Variants in USH2A observed in about 807,000 individuals in gnomAD.
USH2A encodes Usher syndrome 2A (autosomal recessive, mild).
A neutral mutation model predicts 538.9 loss-of-function variants in USH2A; 443 were observed. That is an observed-to-expected ratio of 0.82 (90% CI 0.76 to 0.89). The LOEUF is 0.89. Ranked by LOEUF, USH2A falls within the 40% of genes least tolerant of loss-of-function variation. The pLI, the probability that USH2A is intolerant of heterozygous loss-of-function variation, is 0.00. For missense variants in USH2A, 6,633 were observed against 6,324.8 expected, an observed-to-expected ratio of 1.05 and a Z score of -1.65; for synonymous variants, 2,413 against 2,273.5, an observed-to-expected ratio of 1.06 and a Z score of -1.75.
At chr1:216,207,485 G>A in intron 15 of USH2A, 54 bp from the exon 16 acceptor site, 1 of 1,606,030 alleles carries the variant, frequency 6.2e-7, no homozygotes, top group Non-Finnish European at 8.5e-7. Flanking sequence ...AAACAGAAAA[G>A]CAAACTGAAG....
At chr1:215,728,520 A>G in intron 60 of USH2A, 136 bp from the exon 61 acceptor site, 2 of 840,618 alleles carry the variant, frequency 2.4e-6, no homozygotes, top group Non-Finnish European at 3.8e-6. Flanking sequence ...GTCATAGTAA[A>G]GAAAAACCAG....
At position 215,780,058 on chromosome 1, in the gene USH2A, T is replaced by G. The variant is rs1661585215; in HGVS notation, c.10741-17A>C. 1 of 1,613,710 alleles carries G rather than the reference T, an allele frequency of 6.2e-7. No homozygotes were observed. On this transcript the variant is annotated splice_polypyrimidine_tract_variant and intron_variant, in intron 54 of 71. Coordinates refer to ENST00000307340, the MANE Select transcript of USH2A (RefSeq NM_206933.4). ...TGCAACTACCTGAAGACGTAGGAAT[T>G]AAGCAGCAATTTATTGTAATAGTGC...
At chr1:216,326,490 G>A (rs1251683264) in intron 5 of USH2A, among the ~76,000 whole-genome samples, 1 of 152,088 alleles carries the variant, frequency 6.6e-6, no homozygotes, top group Non-Finnish European at 1.5e-5. Flanking sequence ...GGGACCAAAA[G>A]CTACCAGTAT....
At chr1:216,325,804 C>T (rs1354832241) in intron 5 of USH2A, among the ~76,000 whole-genome samples, 1 of 152,096 alleles carries the variant, frequency 6.6e-6, no homozygotes, top group African/African-American at 2.4e-5. Context: ...TCAAAACCCA[C>T]ACATTTTAAT....
In USH2A at chr1:216,160,448, T is replaced by A. The variant is rs754559970; in HGVS notation, c.4627+14804A>T. On this transcript the variant is annotated intron_variant, in intron 21 of 71. Coordinates refer to ENST00000307340, the MANE Select transcript of USH2A (RefSeq NM_206933.4). ...TTTTAGATTTGGAGTTCTAGTTTAATCTCACAGTTGTCAGAGAACTTGAAA... is the reference window on the plus strand; with the variant it reads ...TTTTAGATTTGGAGTTCTAGTTTAAACTCACAGTTGTCAGAGAACTTGAAA... Among the ~76,000 whole-genome samples, 4 of 152,126 alleles carry A rather than the reference T, an allele frequency of 2.6e-5. No individual in the cohort carries two copies. In the East Asian group the frequency reaches 5.8e-4, roughly 22 times the overall value.
At chr1:215,876,292 T>C (rs1664773863) in intron 43 of USH2A, among the ~76,000 whole-genome samples, 1 of 152,190 alleles carries the variant, frequency 6.6e-6, no homozygotes, top group Non-Finnish European at 1.5e-5. Flanking sequence ...ATATAGTTCA[T>C]TCTGTTGCTT....
At chr1:215,743,091 A>C in intron 59 of USH2A, 86 bp downstream of exon 59, 1 of 1,500,744 alleles carries the variant, frequency 6.7e-7, no homozygotes, top group Non-Finnish European at 9.1e-7. Flanking sequence ...TTATATTTGG[A>C]CTGAGAATGT....
At chr1:216,359,439 C>T (rs2038449521) in intron 4 of USH2A, among the ~76,000 whole-genome samples, 1 of 152,074 alleles carries the variant, frequency 6.6e-6, no homozygotes, top group Admixed American at 6.5e-5. Flanking sequence ...AGATTAGAAA[C>T]CAGACTTAAA....
intron 14 of USH2A, among the ~76,000 whole-genome samples, chr1:216,222,127 T>C (rs1466306186): frequency 6.6e-6 from 1 of 152,160 alleles, no homozygotes. Flanking sequence ...TCTTTCCCAG[T>C]CTATAAAGTT....
intron 47 of USH2A, among the ~76,000 whole-genome samples, chr1:215,817,675 T>C (rs1662897211): frequency 6.6e-6 from 1 of 152,046 alleles, no homozygotes; most frequent in Admixed American, 6.6e-5. Context: ...TTGAAAGAGC[T>C]GCCACCTTCT....
intron 43 of USH2A, among the ~76,000 whole-genome samples, chr1:215,868,614 C>T (rs754388348): frequency 5.3e-5 from 8 of 152,104 alleles, no homozygotes; most frequent in Non-Finnish European, 7.3e-5. Flanking sequence ...CCTGTGAACA[C>T]GACCTTATTG....
chr1:215,672,906 TC>T (rs1242981565), intron 63 of USH2A, among the ~76,000 whole-genome samples: 1 of 152,198 alleles, frequency 6.6e-6, no homozygotes, highest in African/African-American at 2.4e-5. Context: ...GAAAAAGCAT[TC>T]CTTTCATGCC....
In USH2A at chr1:216,327,462, A is replaced by T. The variant is rs2037757804; in HGVS notation, c.848+129T>A. On this transcript the variant is annotated intron_variant, in intron 5 of 71. Coordinates refer to ENST00000307340, the MANE Select transcript of USH2A (RefSeq NM_206933.4). The stretch of plus-strand genomic sequence containing the variant: ...CTAAGCCAAAGCAAACACTGTAAAC[A>T]TTAATTAGGTGAAGTTTGCCAAATG... The T allele has an allele frequency of 4.7e-6, 5 of 1,064,532 alleles. No homozygotes were observed. The South Asian group carries it at 6.6e-5, about 14-fold the overall frequency. The allele number at this position is 1,064,532 out of a possible 1,614,324, so 65.9% of individuals were successfully genotyped here. A position where few individuals can be genotyped will look rare whatever the true frequency, so the allele number is the denominator to read the frequency against.
At chr1:216,022,259 C>T (rs1668860749) in intron 32 of USH2A, among the ~76,000 whole-genome samples, 1 of 152,042 alleles carries the variant, frequency 6.6e-6, no homozygotes, top group Non-Finnish European at 1.5e-5. Flanking sequence ...GCCAGGCTAC[C>T]AGCAGCATAC....
chr1:215,630,283 GTCCATGT>G (rs1286002727), intron 70 of USH2A: 1 of 456,676 alleles, frequency 2.2e-6, no homozygotes, highest in Admixed American at 2.4e-5. Context: ...GGCAGCATCA[GTCCATGT>G]TTGGAACAGT....
intron 4 of USH2A, among the ~76,000 whole-genome samples, chr1:216,337,219 C>A (rs2037990619): frequency 6.6e-6 from 1 of 151,288 alleles, no homozygotes; most frequent in Non-Finnish European, 1.5e-5. Flanking sequence ...GAGTAGCAGG[C>A]CCTGTTCTGT....
At chr1:215,926,614 CTTT>C (rs10673615) in intron 38 of USH2A, among the ~76,000 whole-genome samples, 1 of 75,846 alleles carries the variant, frequency 1.3e-5, no homozygotes, top group Non-Finnish European at 2.3e-5. Context: ...ACCTACCTAT[CTTT>C]TTTTTTTTTT....
chr1:215,710,993 T>C (rs1283269645), intron 61 of USH2A, among the ~76,000 whole-genome samples: 2 of 152,132 alleles, frequency 1.3e-5, no homozygotes, highest in Non-Finnish European at 2.9e-5. Context: ...AAGTCACTGC[T>C]GCTTCAGTTT....
chr1:215,822,424 C>T (rs544260528), intron 47 of USH2A, among the ~76,000 whole-genome samples: 1 of 151,758 alleles, frequency 6.6e-6, no homozygotes, highest in African/African-American at 2.4e-5. Flanking sequence ...TTTCAGATTG[C>T]TTGCTGTTGG....
Sources: allele counts gnomAD v4.1 joint callset (sites outside exome capture counted in the v4.1 genomes callset), GRCh38; gene constraint gnomAD v4.1.1; transcripts MANE v1.5; gene names NCBI Gene and HGNC (gene_info 2026-07-23, HGNC 2026-07-21).